CDKL5: variants seen among roughly 807,000 people sequenced by gnomAD.
CDKL5 encodes the protein cyclin-dependent kinase-like 5.
A neutral mutation model predicts 61.7 loss-of-function variants in CDKL5; 8 were observed. The observed-to-expected ratio is 0.13, with a 90% CI of 0.08 to 0.23. The LOEUF (loss-of-function observed/expected upper bound fraction) is 0.23, where lower values mean the gene tolerates loss of function less well. CDKL5 is among the 10% of genes least tolerant of loss of function. CDKL5 has a pLI of 1.00. For synonymous variants in CDKL5, 275 were observed against 272.3 expected, an observed-to-expected ratio of 1.01 and a Z score of -0.10; for missense variants, 440 against 734.5, an observed-to-expected ratio of 0.60 and a Z score of 4.63.
At position 18,630,521 on chromosome X, in the gene CDKL5, C is replaced by T; in HGVS notation, c.*1764C>T. 1.3e-6 allele frequency: 1 copy of T among 751,998 alleles called. No individual in the cohort carries two copies. Among genetic ancestry groups the T allele is most frequent in the African/African-American group, 2.3e-5 (1 of 43,574 alleles). The allele number at this position is 751,998 out of a possible 1,213,427, so 62.0% of individuals were successfully genotyped here. A position where few individuals can be genotyped will look rare whatever the true frequency, so the allele number is the denominator to read the frequency against. On this transcript the variant is annotated 3_prime_UTR_variant, in exon 18 of 18. Transcript: ENST00000623535. ...AAAATGTGCTGTTACTGTTAACCCT[C>T]CCCCGAGATTTTGAGAATCATAGCT...
chrX:18,483,624 G>A (rs1921671833), intron 1 of CDKL5, among the ~76,000 whole-genome samples: 1 of 109,196 alleles, frequency 9.2e-6, no homozygotes, highest in Non-Finnish European at 1.9e-5. Context: ...GTTTCACCAT[G>A]TTGGCCTGGC....
intron 1 of CDKL5, among the ~76,000 whole-genome samples, chrX:18,449,262 C>T (rs893919235): frequency 4.5e-5 from 5 of 112,305 alleles, no homozygotes; most frequent in African/African-American, 1.6e-4. Context: ...ATTCTCAGGG[C>T]TGCTCTGGAT....
intron 1 of CDKL5, among the ~76,000 whole-genome samples, chrX:18,492,093 T>C (rs1347814767): frequency 2.7e-5 from 3 of 111,631 alleles, no homozygotes; most frequent in African/African-American, 9.8e-5. Context: ...CAATTTGATA[T>C]ATATTCCCAC....
chrX:18,558,129 T>C (rs753708569), intron 3 of CDKL5, among the ~76,000 whole-genome samples: 2 of 111,461 alleles, frequency 1.8e-5, no homozygotes, highest in South Asian at 3.8e-4. Flanking sequence ...ATAATACAAT[T>C]CTAATTTTAA....
chrX:18,543,775 A>G (rs1023838124), intron 3 of CDKL5, among the ~76,000 whole-genome samples: 1 of 111,543 alleles, frequency 9.0e-6, no homozygotes, highest in East Asian at 2.8e-4. Context: ...TGTGGAATCA[A>G]TTTTAATTTG....
chrX:18,616,502 G>A (rs1328862106), intron 15 of CDKL5, among the ~76,000 whole-genome samples: 1 of 109,629 alleles, frequency 9.1e-6, no homozygotes, highest in Non-Finnish European at 1.9e-5. Context: ...GCGCATGCTG[G>A]TAATCCCAGC....
At chrX:18,520,695 A>G (rs1054378052) in intron 3 of CDKL5, among the ~76,000 whole-genome samples, 2 of 111,655 alleles carry the variant, frequency 1.8e-5, no homozygotes, top group African/African-American at 6.5e-5. Context: ...CCCACCAGCA[A>G]TGTATGAGAG....
At chrX:18,537,872 G>A (rs1923898733) in intron 3 of CDKL5, among the ~76,000 whole-genome samples, 2 of 112,074 alleles carry the variant, frequency 1.8e-5, no homozygotes, top group Admixed American at 9.5e-5. Flanking sequence ...TTAGTATGCT[G>A]TAGTATAGAG....
At chrX:18,580,020 A>G (rs1376426675) in intron 6 of CDKL5, 52 bp downstream of exon 6, 1 of 998,943 alleles carries the variant, frequency 1.0e-6, no homozygotes, top group South Asian at 2.0e-5. Context: ...AATAAAGTTA[A>G]GAGTATTTCA....
At chrX:18,511,898 G>A in intron 3 of CDKL5, among the ~76,000 whole-genome samples, 1 of 111,862 alleles carries the variant, frequency 8.9e-6, no homozygotes, top group Non-Finnish European at 1.9e-5. Flanking sequence ...ATTGCTTGAT[G>A]CATTTGAATC....
In CDKL5 at chrX:18,635,078, A is replaced by T. The variant is rs758908950; in HGVS notation, c.*6321A>T. ...TGGCAAGGGTGTGATGTGATTGTTA[A>T]TCTTTTTAATTTTTGAATCCAAACT... On this transcript the variant is annotated 3_prime_UTR_variant, in exon 18 of 18. Transcript: ENST00000623535. 2.3e-5 allele frequency: 17 copies of T among 744,832 alleles called. No individual in the cohort carries two copies. Among genetic ancestry groups the T allele is most frequent in the Non-Finnish European group, 2.7e-5 (17 of 633,963 alleles). The allele number at this position is 744,832 out of a possible 1,213,427, so 61.4% of individuals were successfully genotyped here.
chrX:18,593,320 T>TG (rs1254659052), intron 9 of CDKL5, among the ~76,000 whole-genome samples: 1 of 112,341 alleles, frequency 8.9e-6, no homozygotes, highest in Non-Finnish European at 1.9e-5. Context: ...GTTAGGAGTT[T>TG]GCTTGGTCAT....
At chrX:18,617,176 C>T (rs1926744879) in intron 15 of CDKL5, among the ~76,000 whole-genome samples, 1 of 111,702 alleles carries the variant, frequency 9.0e-6, no homozygotes, top group Non-Finnish European at 1.9e-5. Flanking sequence ...TCCTCTTGGA[C>T]CCTTATGGAA....
At chrX:18,438,039 A>G (rs948660081) in intron 1 of CDKL5, among the ~76,000 whole-genome samples, 1 of 111,761 alleles carries the variant, frequency 8.9e-6, no homozygotes, top group Non-Finnish European at 1.9e-5. Context: ...GCTTGAATTG[A>G]GTTCGCTTTT....
intron 19 of CDKL5, chrX:18,645,969 C>T (rs764933914): frequency 2.8e-5 from 34 of 1,207,444 alleles, no homozygotes; most frequent in African/African-American, 1.8e-4. Context: ...GCAAGTCATG[C>T]GCACTCTGCT....
At chrX:18,464,270 T>C (rs1232764811) in intron 1 of CDKL5, among the ~76,000 whole-genome samples, 3 of 110,452 alleles carry the variant, frequency 2.7e-5, no homozygotes, top group Non-Finnish European at 3.8e-5. Flanking sequence ...AAAATAGAGA[T>C]GAGGTCTCAC....
At chrX:18,508,538 C>G (rs1204721071) in intron 2 of CDKL5, among the ~76,000 whole-genome samples, 1 of 111,328 alleles carries the variant, frequency 9.0e-6, no homozygotes, top group Non-Finnish European at 1.9e-5. Context: ...AAGCTGCTGA[C>G]TGGAGAAGGC....
intron 1 of CDKL5, among the ~76,000 whole-genome samples, chrX:18,453,189 C>A (rs1219395291): frequency 2.7e-5 from 3 of 111,314 alleles, no homozygotes; most frequent in Non-Finnish European, 5.7e-5. Flanking sequence ...ACTGTAACCC[C>A]ACTAATTTTT....
At chrX:18,546,689 G>C (rs1376131944) in intron 3 of CDKL5, among the ~76,000 whole-genome samples, 1 of 111,787 alleles carries the variant, frequency 8.9e-6, no homozygotes, top group Admixed American at 9.5e-5. Context: ...CTTTTGGTGG[G>C]GGCCTTTCTG....
Sources: gnomAD v4.1 joint callset for allele counts (sites outside exome capture counted in the v4.1 genomes callset) on GRCh38, gnomAD v4.1.1 for gene constraint, MANE v1.5 for transcripts, NCBI Gene and HGNC (gene_info 2026-07-23, HGNC 2026-07-21) for gene names.